The following TTYH3 variants were observed in gnomAD, a reference collection of about 807,000 sequenced individuals.
The protein encoded by TTYH3 is tweety family member 3, also known as protein tweety homolog 3.
A neutral mutation model predicts 68.2 loss-of-function variants in TTYH3; 23 were observed. The ratio of observed to expected loss-of-function variants is 0.34; its 90% CI spans 0.24 to 0.48. The LOEUF is 0.48. Among genes scored for constraint, TTYH3 ranks in the 20% least tolerant of loss-of-function variants. TTYH3 has a pLI of 0.99. For missense variants in TTYH3, 768 were observed against 727.7 expected (o/e 1.06, Z -0.64); for synonymous variants, 360 against 332.8 (o/e 1.08, Z -0.89).
In TTYH3 at chr7:2,652,168, C is replaced by T; in HGVS notation, c.872-19C>T. 1.2e-6 allele frequency: 2 copies of T among 1,612,702 alleles called. No homozygotes were observed. Among genetic ancestry groups the T allele is most frequent in the South Asian group, 1.1e-5 (1 of 91,062 alleles). On this transcript the variant is annotated intron_variant, in intron 7 of 13. Coordinates refer to ENST00000258796, the MANE Select transcript of TTYH3 (RefSeq NM_025250.3). ...GGGACAGCTGTTGCAGCTCAGCCTT[C>T]CCTGATGTCTCTCCGCAGACATCCT...
chr7:2,660,488 C>A (rs999225071), intron 13 of TTYH3: 22 of 985,306 alleles, frequency 2.2e-5, no homozygotes, highest in Non-Finnish European at 2.7e-5. Context: ...CTCCCGCTGG[C>A]CCCACGGTGG....
In TTYH3 at chr7:2,662,007, C is replaced by T. The variant is rs941299577; in HGVS notation, c.*268C>T. 1.5e-5 allele frequency: 9 copies of T among 587,786 alleles called. No individual in the cohort carries two copies. Among genetic ancestry groups the T allele is most frequent in the Non-Finnish European group, 2.4e-5 (8 of 329,030 alleles). The allele number at this position is 587,786 out of a possible 1,614,324, so 36.4% of individuals were successfully genotyped here. A position where few individuals can be genotyped will look rare whatever the true frequency, so the allele number is the denominator to read the frequency against. The stretch of plus-strand genomic sequence containing the variant: ...CTGCACGCCACCCACTATCCCGGCA[C>T]GCTCCCTCTGCAGATGGTCGCCGCA... On this transcript the variant is annotated 3_prime_UTR_variant, in exon 14 of 14. Transcript: ENST00000258796.
chr7:2,640,013 C>T lies in TTYH3; in HGVS notation c.124-6840C>T, dbSNP rs542846880. ...CACGCTGCCTGGCCTGCCAGCTCAC[C>T]CGCCCCCGCTGTGTGACTGTGGACT... On this transcript the variant is annotated intron_variant, in intron 1 of 13. Transcript: ENST00000258796. Among the ~76,000 whole-genome samples, 853 of 152,314 alleles carry T rather than the reference C, an allele frequency of 5.6e-3. 8 individuals are homozygous for T. The highest frequency in any genetic ancestry group is 0.024 in the South Asian group (115 of 4,822).
In TTYH3 at chr7:2,653,669, C is replaced by T. The variant is rs147006465; in HGVS notation, c.1020+659C>T. Among the ~76,000 whole-genome samples the T allele has an allele frequency of 3.8e-3, 577 of 152,300 alleles. 2 individuals carry two copies. The highest frequency in any genetic ancestry group is 7.0e-3 in the Non-Finnish European group (475 of 68,026). On this transcript the variant is annotated intron_variant, in intron 9 of 13. Coordinates refer to ENST00000258796, the MANE Select transcript of TTYH3 (RefSeq NM_025250.3). ...CTTGAGCCCAGGAATTCAATACCAGCCTGGCCAACATGGTGAAACACCATT... is the reference window on the plus strand; with the variant it reads ...CTTGAGCCCAGGAATTCAATACCAGTCTGGCCAACATGGTGAAACACCATT...
At chr7:2,656,671 C>T (rs1185457171) in intron 11 of TTYH3, 137 bp downstream of exon 11, 2 of 1,067,386 alleles carry the variant, frequency 1.9e-6, no homozygotes, top group Non-Finnish European at 1.3e-6. Context: ...TCGTGACCCT[C>T]CCTAGGCCTC....
At chr7:2,659,293 AG>A (rs1318622202) in intron 13 of TTYH3, among the ~76,000 whole-genome samples, 2 of 152,100 alleles carry the variant, frequency 1.3e-5, no homozygotes, top group Admixed American at 6.5e-5. Context: ...CCAGCCGCCC[AG>A]GGGGTCAGCT....
chr7:2,640,558 C>T (rs1215240644), intron 1 of TTYH3, among the ~76,000 whole-genome samples: 1 of 152,206 alleles, frequency 6.6e-6, no homozygotes, highest in African/African-American at 2.4e-5. Context: ...AGGTGGCAGG[C>T]AGTGTGCCCT....
intron 9 of TTYH3, among the ~76,000 whole-genome samples, chr7:2,653,329 C>G (rs933704276): frequency 1.3e-5 from 2 of 152,110 alleles, no homozygotes; most frequent in African/African-American, 4.8e-5. Context: ...GCTGGGATGA[C>G]AGACGTGAAC....
chr7:2,652,320 C>G, intron 8 of TTYH3, 78 bp downstream of exon 8: 2 of 1,282,190 alleles, frequency 1.6e-6, no homozygotes, highest in Non-Finnish European at 1.1e-6. Context: ...CCCAGCAGGC[C>G]TGGCGCCTGG....
At position 2,654,118 on chromosome 7, in the gene TTYH3, G is replaced by A. The variant is rs117183417; in HGVS notation, c.1020+1108G>A. 3.3e-4 allele frequency among the ~76,000 whole-genome samples: 51 copies of A among 152,272 alleles called. No individual in the cohort carries two copies. In the East Asian group the frequency reaches 6.4e-3, roughly 19 times the overall value. ...CAAATGTGTATACACACACGGGGCCGGGCACGGCACTCATGCCTGTCATCT... is the reference window on the plus strand; with the variant it reads ...CAAATGTGTATACACACACGGGGCCAGGCACGGCACTCATGCCTGTCATCT... On this transcript the variant is annotated intron_variant, in intron 9 of 13. Transcript: ENST00000258796.
intron 1 of TTYH3, among the ~76,000 whole-genome samples, chr7:2,642,025 C>G (rs537718898): frequency 6.6e-6 from 1 of 152,346 alleles, no homozygotes; most frequent in South Asian, 2.1e-4. Flanking sequence ...GCAGGGGCCC[C>G]GAAGCCTGGC....
intron 1 of TTYH3, among the ~76,000 whole-genome samples, chr7:2,639,576 C>T (rs1785774708): frequency 6.6e-6 from 1 of 152,230 alleles, no homozygotes; most frequent in Non-Finnish European, 1.5e-5. Flanking sequence ...TGCTAAGATG[C>T]CCTGGAAGCT....
At chr7:2,651,373 A>G (rs560607781) in intron 7 of TTYH3, among the ~76,000 whole-genome samples, 12 of 152,210 alleles carry the variant, frequency 7.9e-5, no homozygotes, top group African/African-American at 2.2e-4. Flanking sequence ...AGGAAAAGTC[A>G]TCTGCCGCCC....
rs1786102450 is a variant in TTYH3, at chr7:2,649,578, T to C, written c.734T>C (p.Leu245Pro). Reference sequence around the variant, plus strand: ...TGTCTCTGCCCCAGGGTCTGCCTGCTGGGAGTCCTGGCCCTGGTCATCAGC... The same window carrying C: ...TGTCTCTGCCCCAGGGTCTGCCTGCCGGGAGTCCTGGCCCTGGTCATCAGC... ...SKGILVGVCL[L>P]GVLALVISWG... Residue 245 changes from leucine to proline, a missense_variant, in exon 6 of 14, where the codon CTG (leucine) becomes CCG (proline). Transcript: ENST00000258796. The C allele has an allele frequency of 1.3e-6, 2 of 1,590,828 alleles. No individual in the cohort carries two copies. The highest frequency in any genetic ancestry group is 1.3e-5 in the African/African-American group (1 of 74,758).
rs749517313 is a variant in TTYH3 at position 2,658,330 on chromosome 7, G to A, written c.1295G>A (p.Arg432Gln). The A allele has an allele frequency of 4.4e-6, 7 of 1,602,654 alleles. No individual in the cohort carries two copies. The highest frequency in any genetic ancestry group is 5.1e-6 in the Non-Finnish European group (6 of 1,174,760). ...GAGGAGGAGGCCGCTCCAGGGCCGC[G>A]GCAGGCGCACGACAGCCTCTACCGC... Reference protein sequence around the residue: ...DGEEEAAPGPRQAHDSLYRVH... With the variant: ...DGEEEAAPGPQQAHDSLYRVH... Residue 432 changes from arginine (R) to glutamine (Q), a missense_variant, in exon 12 of 14, where the codon CGG becomes CAG. Arg to Gln is a conservative substitution (Grantham distance 43, BLOSUM62 1). Coordinates refer to ENST00000258796, the MANE Select transcript of TTYH3 (RefSeq NM_025250.3).
chr7:2,647,088 A>G, intron 2 of TTYH3, 54 bp from the exon 3 acceptor site: 3 of 1,007,342 alleles, frequency 3.0e-6, no homozygotes, highest in East Asian at 7.4e-5. Flanking sequence ...GCGGGGCTGG[A>G]GTGGGGTGTG....
Position 2,645,791 on chromosome 7 carries a change from A to C in TTYH3, c.124-1062A>C. On this transcript the variant is annotated intron_variant, in intron 1 of 13. Transcript: ENST00000258796. The surrounding 1 kb of genome is among the most constrained non-coding windows in gnomAD (Gnocchi z 4.8). ...CCTCAGAAACACTTTCATGGTCAGC[A>C]AGAGGGGGTTCAGTCCCCCACAGGC... 2.1e-6 allele frequency: 1 copy of C among 470,884 alleles called. No individual in the cohort carries two copies. The highest frequency in any genetic ancestry group is 4.4e-6 in the Non-Finnish European group (1 of 226,976). The allele number at this position is 470,884 out of a possible 1,614,324, so 29.2% of individuals were successfully genotyped here.
chr7:2,658,592 A>G (rs1786404510), intron 12 of TTYH3, 133 bp downstream of exon 12: 1 of 1,119,632 alleles, frequency 8.9e-7, no homozygotes, highest in Non-Finnish European at 1.3e-6. Context: ...CCTGGCCTTG[A>G]GTGCCTCCTG....
intron 12 of TTYH3, 134 bp from the exon 13 acceptor site, chr7:2,658,806 C>T (rs1054436093): frequency 5.7e-6 from 5 of 882,714 alleles, no homozygotes; most frequent in Non-Finnish European, 9.2e-6. Context: ...TGTTACTGTG[C>T]TGGGTTCGTG....
Sources: gnomAD v4.1 joint callset for allele counts (sites outside exome capture counted in the v4.1 genomes callset) on GRCh38, gnomAD v4.1.1 for gene constraint, Gnocchi (gnomAD v3.1) non-coding constraint, MANE v1.5 for transcripts, NCBI Gene and HGNC (gene_info 2026-07-23, HGNC 2026-07-21) for gene names.